LMF1: variants seen among roughly 807,000 people sequenced by gnomAD.
The protein encoded by LMF1 is lipase maturation factor 1.
LMF1 carries 68 observed loss-of-function variants against 60.6 expected under a neutral mutation model. That is an observed-to-expected ratio of 1.12 (90% confidence interval 0.92 to 1.37). LMF1 has a LOEUF of 1.37. LMF1 is among the 40% of genes most tolerant of loss of function. LMF1 has a pLI of 0.00. For missense variants in LMF1, 948 were observed against 767.2 expected (o/e 1.24, Z -2.78); for synonymous variants, 418 against 324.7 (o/e 1.29, Z -3.09).
intron 2 of LMF1, among the ~76,000 whole-genome samples, chr16:937,228 C>T (rs2071972179): frequency 1.3e-5 from 2 of 152,222 alleles, no homozygotes; most frequent in Middle Eastern, 3.4e-3. Flanking sequence ...AAAACTAAAA[C>T]GTCTTATTAC....
chr16:890,025 G>A (rs949672575), intron 5 of LMF1, among the ~76,000 whole-genome samples: 3 of 152,104 alleles, frequency 2.0e-5, no homozygotes, highest in Non-Finnish European at 4.4e-5. Context: ...CCCCACCCCA[G>A]ATGTGGTGTC....
upstream of LMF1, among the ~76,000 whole-genome samples, chr16:974,089 C>G (rs911779778): frequency 6.6e-6 from 1 of 152,084 alleles, no homozygotes; most frequent in African/African-American, 2.4e-5. Context: ...GCCCGGAAGG[C>G]GCTGTCACCT....
intron 3 of LMF1, chr16:931,506 GCA>G (rs2071783708): frequency 1.8e-6 from 1 of 565,236 alleles, no homozygotes; most frequent in African/African-American, 2.0e-5. Context: ...AGGAACGCAC[GCA>G]CAAACTGCAT....
At chr16:916,511 G>A (rs781186569) in intron 3 of LMF1, among the ~76,000 whole-genome samples, 3 of 152,194 alleles carry the variant, frequency 2.0e-5, no homozygotes, top group Non-Finnish European at 4.4e-5. Context: ...GCACTATCAC[G>A]GAACAGGGGC....
intron 2 of LMF1, among the ~76,000 whole-genome samples, chr16:937,621 C>T (rs1323980778): frequency 6.6e-6 from 1 of 152,228 alleles, no homozygotes; most frequent in African/African-American, 2.4e-5. Flanking sequence ...CACACGGCCC[C>T]AGCACAGGCC....
intron 10 of LMF1, chr16:856,046 C>A (rs1248299188): frequency 2.3e-6 from 1 of 437,156 alleles, no homozygotes; most frequent in Admixed American, 2.5e-5. Flanking sequence ...GAGGAGGGTC[C>A]CTGAGGCGCC....
intron 10 of LMF1, among the ~76,000 whole-genome samples, chr16:867,456 G>A (rs2069642150): frequency 6.6e-6 from 1 of 152,202 alleles, no homozygotes; most frequent in Non-Finnish European, 1.5e-5. Flanking sequence ...TGGGGTGGGG[G>A]CTGGGGGGCT....
intron 1 of LMF1, among the ~76,000 whole-genome samples, chr16:968,107 C>T (rs1029878648): frequency 1.8e-4 from 28 of 152,366 alleles, no homozygotes; most frequent in Middle Eastern, 6.8e-3. Context: ...CCCCTAGCAC[C>T]TACACACCTC....
chr16:942,968 AG>A (rs1207083013), intron 2 of LMF1, among the ~76,000 whole-genome samples: 1 of 152,246 alleles, frequency 6.6e-6, no homozygotes, highest in Admixed American at 6.5e-5. Flanking sequence ...AAATTCATTG[AG>A]GCTATCTTCT....
chr16:921,804 G>A (rs2071439334), intron 3 of LMF1, among the ~76,000 whole-genome samples: 1 of 152,174 alleles, frequency 6.6e-6, no homozygotes, highest in Non-Finnish European at 1.5e-5. Context: ...AGAACCTACG[G>A]CATCCAGGCG....
rs145391459 is a variant in LMF1 at position 894,451 on chromosome 16, C to T, written c.664-1379G>A. ...CCCTGTCCACCTGGCCGTCCGCCCA[C>T]CCATCCCCCTGTCCACCCGACTTCT... On this transcript the variant is annotated intron_variant, in intron 4 of 10. Transcript: ENST00000262301. 2.2e-4 allele frequency among the ~76,000 whole-genome samples: 33 copies of T among 151,028 alleles called. No individual in the cohort carries two copies. In the East Asian group the frequency reaches 6.3e-3, roughly 29 times the overall value.
intron 1 of LMF1, among the ~76,000 whole-genome samples, chr16:977,897 CACT>C (rs1567350335): frequency 6.8e-6 from 1 of 147,700 alleles, no homozygotes; most frequent in African/African-American, 2.5e-5. Flanking sequence ...ATACACCACA[CACT>C]AAACACACAC....
At chr16:879,133 T>G (rs1462292713) in intron 6 of LMF1, among the ~76,000 whole-genome samples, 1 of 152,112 alleles carries the variant, frequency 6.6e-6, no homozygotes, top group Non-Finnish European at 1.5e-5. Context: ...CTCACCCACA[T>G]GGAGGCAAAT....
At chr16:911,202 G>A (rs2071103013) in intron 3 of LMF1, 123 bp from the exon 4 acceptor site, 3 of 1,123,856 alleles carry the variant, frequency 2.7e-6, no homozygotes, top group Non-Finnish European at 3.9e-6. Flanking sequence ...GCTACTGAGA[G>A]ACACCAGCCC....
At chr16:914,884 C>T (rs2071236916) in intron 3 of LMF1, among the ~76,000 whole-genome samples, 1 of 147,362 alleles carries the variant, frequency 6.8e-6, no homozygotes, top group Non-Finnish European at 1.5e-5. Flanking sequence ...CAGATGGAAA[C>T]GTGGTTTCTC....
At position 954,059 on chromosome 16, in the gene LMF1, A is replaced by ACCCCAAAC. The variant is rs1567312799; in HGVS notation, c.503+297_503+298insGTTTGGGG. Among the ~76,000 whole-genome samples the ACCCCAAAC allele has an allele frequency of 1.4e-5, 2 of 140,702 alleles. 1 individual carries two copies. The highest frequency in any genetic ancestry group is 5.1e-5 in the African/African-American group (2 of 39,294). The allele number at this position is 140,702 out of a possible 152,430, so 92.3% of individuals were successfully genotyped here. A position where few individuals can be genotyped will look rare whatever the true frequency, so the allele number is the denominator to read the frequency against. ...CAGCCTCCTACACGTCCACACAGAC[A>ACCCCAAAC]CAGACCCACTGCTTCTGCCTCCCTT... is the stretch of plus-strand genomic sequence containing the variant. On this transcript the variant is annotated intron_variant, in intron 2 of 10. Transcript: ENST00000262301.
At chr16:944,859 C>A (rs1597045945) in intron 2 of LMF1, among the ~76,000 whole-genome samples, 1 of 152,094 alleles carries the variant, frequency 6.6e-6, no homozygotes, top group Non-Finnish European at 1.5e-5. Flanking sequence ...CTTTGGTGCA[C>A]CTTGATGATT....
At chr16:951,861 G>A (rs1466787455) in intron 2 of LMF1, among the ~76,000 whole-genome samples, 1 of 152,240 alleles carries the variant, frequency 6.6e-6, no homozygotes, top group African/African-American at 2.4e-5. Context: ...GCCCCCACCA[G>A]GCCACCGTCA....
At chr16:883,033 C>G (rs1006364170) in intron 5 of LMF1, among the ~76,000 whole-genome samples, 2 of 142,928 alleles carry the variant, frequency 1.4e-5, no homozygotes, top group Non-Finnish European at 3.0e-5. Context: ...AGCCACCCAG[C>G]GGAGCCCATC....
Sources: allele counts gnomAD v4.1 joint callset (sites outside exome capture counted in the v4.1 genomes callset), GRCh38; gene constraint gnomAD v4.1.1; transcripts MANE v1.5; gene names NCBI Gene and HGNC (gene_info 2026-07-23, HGNC 2026-07-21).